ADAMTSL1: variants seen among roughly 807,000 people sequenced by gnomAD.
The protein encoded by ADAMTSL1 is ADAMTS like 1, also known as ADAMTS-like protein 1.
In ADAMTSL1, 126 loss-of-function variants were observed where a neutral mutation model predicts 201.8. The observed-to-expected ratio is 0.62, with a 90% CI of 0.54 to 0.72. ADAMTSL1 has a LOEUF of 0.72. ADAMTSL1 is among the 30% of genes least tolerant of loss of function. The pLI, the probability that ADAMTSL1 is intolerant of heterozygous loss-of-function variation, is 0.00. For synonymous variants in ADAMTSL1, 1,121 were observed against 903.4 expected, an observed-to-expected ratio of 1.24 and a Z score of -4.32; for missense variants, 2,679 against 2,277.8, an observed-to-expected ratio of 1.18 and a Z score of -3.59.
intron 4 of ADAMTSL1, among the ~76,000 whole-genome samples, chr9:18,610,264 A>G (rs1305312609): frequency 6.6e-6 from 1 of 152,204 alleles, no homozygotes; most frequent in Non-Finnish European, 1.5e-5. Context: ...TAGCAGAAGA[A>G]ATTTACTATT....
chr9:18,176,296 G>A (rs575960357), intron 2 of ADAMTSL1, among the ~76,000 whole-genome samples: 11 of 151,612 alleles, frequency 7.3e-5, no homozygotes, highest in African/African-American at 2.2e-4. Context: ...TCTTAAGCAG[G>A]GTAAAAATAA....
intron 23 of ADAMTSL1, among the ~76,000 whole-genome samples, chr9:18,842,957 C>T (rs1038138112): frequency 6.6e-6 from 1 of 152,166 alleles, no homozygotes; most frequent in African/African-American, 2.4e-5. Context: ...TTCCTGAATA[C>T]AGCACACTGA....
At chr9:18,388,274 T>C (rs1837886934) in intron 2 of ADAMTSL1, among the ~76,000 whole-genome samples, 1 of 152,082 alleles carries the variant, frequency 6.6e-6, no homozygotes, top group South Asian at 2.1e-4. Context: ...ATTTTTTTGT[T>C]TTGTTTTATT....
chr9:18,691,456 A>G (rs1295356212), intron 13 of ADAMTSL1, among the ~76,000 whole-genome samples: 2 of 152,162 alleles, frequency 1.3e-5, no homozygotes, highest in Non-Finnish European at 2.9e-5. Flanking sequence ...GATATTTTGT[A>G]TCATTATGTG....
intron 1 of ADAMTSL1, among the ~76,000 whole-genome samples, chr9:18,107,092 C>T (rs1436213707): frequency 6.6e-6 from 1 of 152,108 alleles, no homozygotes; most frequent in Non-Finnish European, 1.5e-5. Flanking sequence ...TTTCTTATAT[C>T]TGTTATTAAG....
At chr9:17,983,064 C>CTTTTTTTTTTTTTTTTTTTTTTTTT (rs202085722) in intron 1 of ADAMTSL1, among the ~76,000 whole-genome samples, 3 of 88,570 alleles carry the variant, frequency 3.4e-5, no homozygotes, top group Non-Finnish European at 6.5e-5. Flanking sequence ...TCTTTTCTTT[C>CTTTTTTTTTTTTTTTTTTTTTTTTT]TTTCTTTCTT....
At chr9:18,018,502 A>G (rs370437220) in intron 1 of ADAMTSL1, among the ~76,000 whole-genome samples, 1 of 152,068 alleles carries the variant, frequency 6.6e-6, no homozygotes, top group Non-Finnish European at 1.5e-5. Context: ...CCAAGATTAG[A>G]TTATAAAAGG....
chr9:18,699,596 C>T (rs1302754758), intron 13 of ADAMTSL1, among the ~76,000 whole-genome samples: 2 of 152,114 alleles, frequency 1.3e-5, no homozygotes, highest in Non-Finnish European at 2.9e-5. Flanking sequence ...TCCAAAAATG[C>T]TGGGATTACA....
intron 2 of ADAMTSL1, among the ~76,000 whole-genome samples, chr9:18,175,622 T>A (rs1828111055): frequency 6.6e-6 from 1 of 152,172 alleles, no homozygotes; most frequent in Non-Finnish European, 1.5e-5. Flanking sequence ...GTTCAGTGCC[T>A]TGCTCACAGG....
At chr9:18,185,883 G>A (rs1044876334) in intron 2 of ADAMTSL1, among the ~76,000 whole-genome samples, 1 of 152,112 alleles carries the variant, frequency 6.6e-6, no homozygotes, top group African/African-American at 2.4e-5. Flanking sequence ...AATTATTGAT[G>A]TGGCGTTGGA....
chr9:18,428,324 C>G (rs1258801878), intron 2 of ADAMTSL1, among the ~76,000 whole-genome samples: 1 of 150,252 alleles, frequency 6.7e-6, no homozygotes, highest in Non-Finnish European at 1.5e-5. Context: ...CCACATCTAT[C>G]AGTGGCTCAC....
At chr9:18,898,193 AAAG>A (rs1264719952) in intron 26 of ADAMTSL1, among the ~76,000 whole-genome samples, 1 of 152,200 alleles carries the variant, frequency 6.6e-6, no homozygotes, top group African/African-American at 2.4e-5. Context: ...CGTCTCAAAA[AAAG>A]AAGGTGGGTA....
intron 2 of ADAMTSL1, among the ~76,000 whole-genome samples, chr9:18,270,505 A>G (rs1832314607): frequency 6.6e-6 from 1 of 152,224 alleles, no homozygotes; most frequent in South Asian, 2.1e-4. Flanking sequence ...TAAGGTCTTT[A>G]TAAAATGATA....
chr9:18,019,676 G>A (rs1427150322), intron 1 of ADAMTSL1, among the ~76,000 whole-genome samples: 3 of 152,108 alleles, frequency 2.0e-5, no homozygotes, highest in African/African-American at 4.8e-5. Context: ...GTGGAGTCAT[G>A]GGTGACCCAC....
chr9:18,235,081 T>A (rs1437359953), intron 2 of ADAMTSL1, among the ~76,000 whole-genome samples: 1 of 152,150 alleles, frequency 6.6e-6, no homozygotes, highest in Non-Finnish European at 1.5e-5. Context: ...CTGATTTCAT[T>A]TCTCTTTCCC....
chr9:18,740,465 T>C (rs1419484016), intron 15 of ADAMTSL1, among the ~76,000 whole-genome samples: 2 of 136,484 alleles, frequency 1.5e-5, no homozygotes, highest in Non-Finnish European at 3.2e-5. Context: ...TTCTTTTTTT[T>C]TTTTTCTTTT....
chr9:18,274,949 TTTC>T (rs1487801366), intron 2 of ADAMTSL1, among the ~76,000 whole-genome samples: 4 of 152,186 alleles, frequency 2.6e-5, no homozygotes, highest in Admixed American at 1.3e-4. Context: ...GTTTTCATTA[TTTC>T]TTCTTCATCA....
intron 26 of ADAMTSL1, among the ~76,000 whole-genome samples, chr9:18,899,725 C>G (rs909028598): frequency 6.6e-6 from 1 of 152,196 alleles, no homozygotes; most frequent in Non-Finnish European, 1.5e-5. Flanking sequence ...GCTTGGATAA[C>G]TGGCTAGCTG....
intron 2 of ADAMTSL1, among the ~76,000 whole-genome samples, chr9:18,234,697 C>G (rs113871981): frequency 4.6e-5 from 7 of 152,046 alleles, no homozygotes; most frequent in Non-Finnish European, 7.4e-5. Flanking sequence ...CAACCAAACA[C>G]CTCTTAGGAG....
Sources: gnomAD v4.1 joint callset for allele counts (sites outside exome capture counted in the v4.1 genomes callset) on GRCh38, gnomAD v4.1.1 for gene constraint, MANE v1.5 for transcripts, NCBI Gene and HGNC (gene_info 2026-07-23, HGNC 2026-07-21) for gene names.